The following HMBOX1 variants were observed in gnomAD, a reference collection of about 807,000 sequenced individuals.
HMBOX1 encodes the protein homeobox-containing protein 1.
HMBOX1 carries 14 observed loss-of-function variants against 54.5 expected under a neutral mutation model. That is an observed-to-expected ratio of 0.26 (90% CI 0.17 to 0.40). The LOEUF (loss-of-function observed/expected upper bound fraction) is 0.40, where lower values mean the gene tolerates loss of function less well. Ranked by LOEUF, HMBOX1 falls within the 10% of genes least tolerant of loss-of-function variation. The probability of loss-of-function intolerance (pLI) is 1.00; values close to 1 mark genes in which losing one functional copy is unlikely to be tolerated. For synonymous variants in HMBOX1, 160 were observed against 181.0 expected (o/e 0.88, Z 0.93); for missense variants, 332 against 514.4 (o/e 0.65, Z 3.43).
At chr8:29,028,247 C>T (rs1018599398) in intron 6 of HMBOX1, among the ~76,000 whole-genome samples, 11 of 152,126 alleles carry the variant, frequency 7.2e-5, no homozygotes, top group East Asian at 3.9e-4. Flanking sequence ...AATACTATAA[C>T]GAACCAAAAT....
At chr8:29,002,577 TA>T (rs912964799) in intron 4 of HMBOX1, among the ~76,000 whole-genome samples, 31 of 151,516 alleles carry the variant, frequency 2.0e-4, no homozygotes, top group Non-Finnish European at 4.1e-4. Flanking sequence ...GCCCATATGT[TA>T]AAAAAAAATC....
chr8:28,917,760 A>G (rs916443454), intron 1 of HMBOX1, among the ~76,000 whole-genome samples: 1 of 152,208 alleles, frequency 6.6e-6, no homozygotes, highest in African/African-American at 2.4e-5. Flanking sequence ...AAGATATTAT[A>G]TTAACTTTTA....
Position 29,049,041 on chromosome 8 carries a change from C to T in HMBOX1, c.1118C>T (p.Ser373Phe). The T allele has an allele frequency of 6.2e-7, 1 of 1,613,458 alleles. No individual in the cohort carries two copies. The highest frequency in any genetic ancestry group is 8.5e-7 in the Non-Finnish European group (1 of 1,179,654). The change falls in exon 9 of 10, where the codon TCT becomes TTT. Residue 373 changes from serine to phenylalanine, a missense_variant. By Grantham distance (155) the Ser-to-Phe change is radical. Coordinates refer to ENST00000287701, the MANE Select transcript of HMBOX1 (RefSeq NM_001135726.3). ...NSDDVDGNDY[S>F]EQDDSTSHSD... ...GATGATGTCGACGGGAATGACTACT[C>T]TGAGCAGGTGAGCCCCTGCGCAGCT...
intron 5 of HMBOX1, among the ~76,000 whole-genome samples, chr8:29,013,579 T>C (rs2132902314): frequency 6.6e-6 from 1 of 152,364 alleles, no homozygotes. Flanking sequence ...ATTGATATAG[T>C]GTAGTTCTCT....
chr8:28,946,582 AT>A (rs149933329), intron 1 of HMBOX1, among the ~76,000 whole-genome samples: 13,266 of 144,242 alleles, frequency 0.092, 655 homozygotes, highest in Middle Eastern at 0.12. Context: ...AAAAAAAAAA[AT>A]ATATACAATT....
intron 1 of HMBOX1, among the ~76,000 whole-genome samples, chr8:28,947,660 T>C (rs906310655): frequency 2.6e-5 from 4 of 152,216 alleles, no homozygotes; most frequent in African/African-American, 9.7e-5. Flanking sequence ...TCTTGTTAAA[T>C]TGGATTATCC....
Position 29,045,524 on chromosome 8 carries a change from T to C in HMBOX1, c.934+81T>C, listed in dbSNP as rs1415176090. The C allele has an allele frequency of 1.2e-5, 13 of 1,098,024 alleles. No individual in the cohort carries two copies. In the East Asian group the frequency reaches 2.1e-4, roughly 18 times the overall value. The allele number at this position is 1,098,024 out of a possible 1,614,324, so 68.0% of individuals were successfully genotyped here. ...TTGGCATCTAGGACACTTAATCTTA[T>C]GCGTGCCTTGGCATGGTGCTCCCGG... On this transcript the variant is annotated intron_variant, in intron 7 of 9. Transcript: ENST00000287701.
At chr8:28,978,188 G>A (rs1333622489) in intron 3 of HMBOX1, among the ~76,000 whole-genome samples, 1 of 152,126 alleles carries the variant, frequency 6.6e-6, no homozygotes, top group Non-Finnish European at 1.5e-5. Flanking sequence ...TCCCCAAAGG[G>A]AGCATGGTCT....
chr8:28,896,492 G>A (rs1812152168), intron 1 of HMBOX1, among the ~76,000 whole-genome samples: 1 of 142,202 alleles, frequency 7.0e-6, no homozygotes, highest in African/African-American at 2.5e-5. Context: ...ATATAGCTAA[G>A]GAGAAAGATA....
At chr8:28,988,258 T>C (rs907542619) in intron 4 of HMBOX1, among the ~76,000 whole-genome samples, 1 of 152,264 alleles carries the variant, frequency 6.6e-6, no homozygotes, top group African/African-American at 2.4e-5. Context: ...ATGTTTCAGT[T>C]ATTTATGACT....
chr8:28,916,208 A>T (rs1816507824), intron 1 of HMBOX1, among the ~76,000 whole-genome samples: 1 of 152,226 alleles, frequency 6.6e-6, no homozygotes, highest in African/African-American at 2.4e-5. Flanking sequence ...CCCTCTAAGT[A>T]AGGGGAAATT....
At chr8:29,028,577 C>G (rs182996476) in intron 6 of HMBOX1, among the ~76,000 whole-genome samples, 36 of 152,268 alleles carry the variant, frequency 2.4e-4, no homozygotes, top group African/African-American at 8.2e-4. Context: ...TTAAGACTAA[C>G]AGTTCCAGAA....
rs142036213 is a variant in HMBOX1, at chr8:28,966,764, T to C, written c.23+2874T>C. Among the ~76,000 whole-genome samples the C allele has an allele frequency of 3.5e-4, 53 of 152,380 alleles. 1 individual carries two copies. The East Asian group carries it at 0.01, about 29-fold the overall frequency. On this transcript the variant is annotated intron_variant, in intron 2 of 9. Transcript: ENST00000287701. ...ATGCATGCTTTGATCCTGTTTGTTATGCTCTTAATCACTTTGCTTTGTAGT... is the reference window on the plus strand; with the variant it reads ...ATGCATGCTTTGATCCTGTTTGTTACGCTCTTAATCACTTTGCTTTGTAGT...
rs965474896 is a variant in HMBOX1, at chr8:28,908,774, A to C, written c.-58+18096A>C. On this transcript the variant is annotated intron_variant, in intron 1 of 9. Coordinates refer to ENST00000287701, the MANE Select transcript of HMBOX1 (RefSeq NM_001135726.3). ...GAGCGAGACTCTGTCTTAAAAAAAAACCTGGGTTATATAGAAGGACTTAAA... is the reference window on the plus strand; with the variant it reads ...GAGCGAGACTCTGTCTTAAAAAAAACCCTGGGTTATATAGAAGGACTTAAA... Among the ~76,000 whole-genome samples the C allele has an allele frequency of 2.0e-5, 3 of 151,994 alleles. No homozygotes were observed. The East Asian group carries it at 5.8e-4, about 29-fold the overall frequency.
At chr8:28,928,028 G>A (rs1818853029) in intron 1 of HMBOX1, among the ~76,000 whole-genome samples, 1 of 151,726 alleles carries the variant, frequency 6.6e-6, no homozygotes, top group South Asian at 2.1e-4. Context: ...CCAGCTACTT[G>A]GGAGGCTGAG....
At chr8:28,904,921 C>G (rs1331151069) in intron 1 of HMBOX1, among the ~76,000 whole-genome samples, 1 of 152,180 alleles carries the variant, frequency 6.6e-6, no homozygotes, top group African/African-American at 2.4e-5. Flanking sequence ...GTGATCCACC[C>G]TCCTTGGCCT....
chr8:28,927,270 A>G (rs1818681508), intron 1 of HMBOX1, among the ~76,000 whole-genome samples: 1 of 152,232 alleles, frequency 6.6e-6, no homozygotes, highest in African/African-American at 2.4e-5. Flanking sequence ...CCTACTGTGT[A>G]TCCACAAAAA....
chr8:29,036,312 A>G (rs1162060519), intron 6 of HMBOX1, among the ~76,000 whole-genome samples: 1 of 152,172 alleles, frequency 6.6e-6, no homozygotes, highest in Non-Finnish European at 1.5e-5. Context: ...TTAAACAAGT[A>G]AAGAAAAGCA....
intron 4 of HMBOX1, among the ~76,000 whole-genome samples, chr8:28,987,372 A>G (rs1439505881): frequency 6.6e-6 from 1 of 152,198 alleles, no homozygotes; most frequent in African/African-American, 2.4e-5. Context: ...AAATATGTTA[A>G]TTGTTAAATA....
Sources: gnomAD v4.1 joint callset for allele counts (sites outside exome capture counted in the v4.1 genomes callset) on GRCh38, gnomAD v4.1.1 for gene constraint, MANE v1.5 for transcripts, NCBI Gene and HGNC (gene_info 2026-07-23, HGNC 2026-07-21) for gene names.